Variants in LAMA3 observed in about 807,000 individuals in gnomAD.
LAMA3 encodes laminin subunit alpha 3, also known as laminin subunit alpha-3.
Under a neutral mutation model 402.0 loss-of-function variants are expected in LAMA3, and 281 were observed. That is an observed-to-expected ratio of 0.70 (90% CI 0.63 to 0.77). LAMA3 has a LOEUF of 0.77. Among genes scored for constraint, LAMA3 ranks in the 30% least tolerant of loss-of-function variants. The probability of loss-of-function intolerance (pLI) is 0.00; values close to 1 mark genes in which losing one functional copy is unlikely to be tolerated. For synonymous variants in LAMA3, 1,431 were observed against 1,558.4 expected, an observed-to-expected ratio of 0.92 and a Z score of 1.93; for missense variants, 3,840 against 4,215.5, an observed-to-expected ratio of 0.91 and a Z score of 2.47.
chr18:23,714,852 A>G (rs2061066784), intron 2 of LAMA3, among the ~76,000 whole-genome samples: 1 of 152,160 alleles, frequency 6.6e-6, no homozygotes, highest in Admixed American at 6.5e-5. Flanking sequence ...TGCCGCTCGC[A>G]GCCAACATTC....
intron 9 of LAMA3, among the ~76,000 whole-genome samples, 161 bp from the exon 10 acceptor site, chr18:23,775,631 A>C (rs1440765002): frequency 1.3e-5 from 2 of 152,220 alleles, no homozygotes; most frequent in Non-Finnish European, 2.9e-5. Context: ...GGGCAGTGAG[A>C]ACCATCAATC....
At chr18:23,720,097 A>G (rs557844838) in intron 2 of LAMA3, among the ~76,000 whole-genome samples, 4 of 152,370 alleles carry the variant, frequency 2.6e-5, no homozygotes, top group African/African-American at 9.6e-5. Flanking sequence ...GAGTTAATGT[A>G]GAATGAACCA....
chr18:23,884,355 T>C (rs929658376), intron 40 of LAMA3, among the ~76,000 whole-genome samples: 4 of 152,134 alleles, frequency 2.6e-5, no homozygotes, highest in Non-Finnish European at 5.9e-5. Context: ...ATGTGCCTGA[T>C]AGAAAAGAAC....
In LAMA3 at chr18:23,827,329, G is replaced by A. The variant is rs1242368743; in HGVS notation, c.2685G>A (p.Gln895=). ...GPPQENCLLY[Q]HLPVTRFPCT... is the part of the protein sequence containing the mutation. ...GTTGTTGAAGTTGCTTACTCTACCA[G>A]CATTTGCCAGTGACCAGATTCCCCT... The change falls in exon 23 of 75, where the codon CAG becomes CAA. Residue 895 remains glutamine (Q), a synonymous_variant. Transcript: ENST00000313654. The A allele has an allele frequency of 6.2e-7, 1 of 1,614,182 alleles. No individual in the cohort carries two copies. Among genetic ancestry groups the A allele is most frequent in the Admixed American group, 1.7e-5 (1 of 60,026 alleles).
chr18:23,894,141 G>A (rs1219643953), intron 42 of LAMA3, among the ~76,000 whole-genome samples, 157 bp from the exon 43 acceptor site: 1 of 151,278 alleles, frequency 6.6e-6, no homozygotes, highest in Non-Finnish European at 1.5e-5. Context: ...AAAAGTAATT[G>A]TGGGTTTTGC....
At chr18:23,898,417 A>C (rs1259766814) in intron 44 of LAMA3, 1 of 292,222 alleles carries the variant, frequency 3.4e-6, no homozygotes, top group Non-Finnish European at 6.4e-6. Flanking sequence ...GTTTTTAAAA[A>C]ACTGTATTTA....
chr18:23,867,381 A>G (rs1264567426), intron 36 of LAMA3, among the ~76,000 whole-genome samples: 4 of 151,998 alleles, frequency 2.6e-5, no homozygotes, highest in Non-Finnish European at 5.9e-5. Flanking sequence ...ACATGGTGAA[A>G]CTACTAAAAA....
Position 23,894,312 on chromosome 18 carries a change from G to C in LAMA3, c.5425G>C (p.Glu1809Gln). The C allele has an allele frequency of 6.2e-7, 1 of 1,613,206 alleles. No individual in the cohort carries two copies. Among genetic ancestry groups the C allele is most frequent in the Non-Finnish European group, 8.5e-7 (1 of 1,179,164 alleles). Reference sequence around the variant, plus strand: ...TCTGATTTTAGACTGCATAAACCAAGAACCCAAAGATAGCAGCCCTGCAGA... The same window carrying C: ...TCTGATTTTAGACTGCATAAACCAACAACCCAAAGATAGCAGCCCTGCAGA... ...HPLTGDCINQ[E>Q]PKDSSPAEEC... The change falls in exon 43 of 75, where the codon GAA (glutamate) becomes CAA (glutamine). Residue 1809 changes from glutamate (E) to glutamine (Q), a missense_variant. Transcript: ENST00000313654.
Position 23,763,486 on chromosome 18 carries a change from G to A in LAMA3, c.1145G>A (p.Gly382Asp). 3 of 1,613,200 alleles carry A rather than the reference G, an allele frequency of 1.9e-6. No homozygotes were observed. The highest frequency in any genetic ancestry group is 2.5e-6 in the Non-Finnish European group (3 of 1,179,170). Residue 382 changes from glycine to aspartate, a missense_variant, in exon 8 of 75, where the codon GGC becomes GAC. Gly to Asp is a moderately conservative substitution (Grantham distance 94). Coordinates refer to ENST00000313654, the MANE Select transcript of LAMA3 (RefSeq NM_198129.4). ...ERQQASLNTQ[G>D]IYAGGGVCIN... ...CAGCAGGCAAGCTTGAATACCCAGG[G>A]CATCTATGCTGGTGGAGGGGTCTGC...
chr18:23,694,521 A>G (rs2060649017), intron 1 of LAMA3, among the ~76,000 whole-genome samples: 1 of 152,242 alleles, frequency 6.6e-6, no homozygotes, highest in Non-Finnish European at 1.5e-5. Context: ...TTATGAATGT[A>G]TGAAGGAGGT....
chr18:23,846,296 GC>G lies in LAMA3; in HGVS notation c.3724del (p.Gln1242ArgfsTer81). 4 of 1,614,166 alleles carry G rather than the reference GC, an allele frequency of 2.5e-6. No individual in the cohort carries two copies. The highest frequency in any genetic ancestry group is 3.4e-6 in the Non-Finnish European group (4 of 1,179,998). ...TNCGKNSFYL[D>X]PQTASRFCKN... ...ACCATGAGTTGTTTCTGTCTCCACA[GC>G]CCCCAGACAGCCTCCAGATTCTGTA... On this transcript the variant is annotated frameshift_variant and splice_region_variant, in exon 31 of 75. Coordinates refer to ENST00000313654, the MANE Select transcript of LAMA3 (RefSeq NM_198129.4). LOFTEE classifies it high-confidence loss of function.
chr18:23,908,526 T>C (rs2081326601), intron 54 of LAMA3, among the ~76,000 whole-genome samples: 1 of 107,986 alleles, frequency 9.3e-6, no homozygotes, highest in Admixed American at 1.3e-4. Context: ...CGAGACTCCA[T>C]CTCAAACAAA....
chr18:23,898,651 G>T (rs2080959587), intron 44 of LAMA3, 87 bp from the exon 45 acceptor site: 4 of 816,816 alleles, frequency 4.9e-6, no homozygotes, highest in South Asian at 1.4e-5. Flanking sequence ...CTTGCCAAAT[G>T]ATTCTTCATT....
intron 19 of LAMA3, among the ~76,000 whole-genome samples, chr18:23,821,785 C>T (rs542982070): frequency 1.3e-5 from 2 of 152,330 alleles, no homozygotes; most frequent in African/African-American, 2.4e-5. Flanking sequence ...CCTTGGCCAC[C>T]GTTGGTTTCT....
Position 23,916,703 on chromosome 18 carries a change from A to G in LAMA3, c.7923+8A>G, listed in dbSNP as rs2081637233. 5.0e-6 allele frequency: 8 copies of G among 1,613,818 alleles called. No homozygotes were observed. Among genetic ancestry groups the G allele is most frequent in the South Asian group, 2.2e-5 (2 of 91,088 alleles). ...TTCTTTGCAGAAAACGGGGTAATCT[A>G]TAACAAGCATCCAGATACAACCAAA... On this transcript the variant is annotated splice_region_variant and intron_variant, in intron 60 of 74. Coordinates refer to ENST00000313654, the MANE Select transcript of LAMA3 (RefSeq NM_198129.4).
rs1023611992 is a variant in LAMA3, at chr18:23,839,675, C to T, written c.3192-110C>T. ...TCTGTGCTTCCCCCAGCACTGGATCCTTTTGATGCCCATGCAGTCCTATGC... is the reference window on the plus strand; with the variant it reads ...TCTGTGCTTCCCCCAGCACTGGATCTTTTTGATGCCCATGCAGTCCTATGC... On this transcript the variant is annotated intron_variant, in intron 26 of 74. Coordinates refer to ENST00000313654, the MANE Select transcript of LAMA3 (RefSeq NM_198129.4). This position sits in a 1 kb window ranked among gnomAD's most constrained non-coding sequence, Gnocchi z 4.5. 8.7e-7 allele frequency: 1 copy of T among 1,151,004 alleles called. No homozygotes were observed. The highest frequency in any genetic ancestry group is 1.3e-6 in the Non-Finnish European group (1 of 769,822). The allele number at this position is 1,151,004 out of a possible 1,614,324, so 71.3% of individuals were successfully genotyped here. A position where few individuals can be genotyped will look rare whatever the true frequency, so the allele number is the denominator to read the frequency against.
chr18:23,938,816 C>T (rs1481818742), intron 67 of LAMA3, among the ~76,000 whole-genome samples: 5 of 7,162 alleles, frequency 7.0e-4, no homozygotes, highest in Non-Finnish European at 5.4e-3. Context: ...AGGCATGCTC[C>T]CCAAAGGAGG....
chr18:23,799,884 G>A (rs1005773858), intron 12 of LAMA3, among the ~76,000 whole-genome samples: 3 of 152,218 alleles, frequency 2.0e-5, no homozygotes, highest in Admixed American at 1.3e-4. Context: ...CAGTCTGGAG[G>A]CAGAATTCCT....
intron 52 of LAMA3, among the ~76,000 whole-genome samples, chr18:23,906,989 T>A (rs1395440906): frequency 6.6e-6 from 1 of 152,260 alleles, no homozygotes; most frequent in Non-Finnish European, 1.5e-5. Flanking sequence ...ACAGAATTTT[T>A]AAAATGTGTC....
Sources: gnomAD v4.1 joint callset for allele counts (sites outside exome capture counted in the v4.1 genomes callset) on GRCh38, gnomAD v4.1.1 for gene constraint, Gnocchi (gnomAD v3.1) non-coding constraint, MANE v1.5 for transcripts, NCBI Gene and HGNC (gene_info 2026-07-23, HGNC 2026-07-21) for gene names.